The following C1orf116 variants were observed in gnomAD, a reference collection of about 807,000 sequenced individuals.
C1orf116 encodes the protein specifically androgen-regulated gene protein.
Under a neutral mutation model 14.1 loss-of-function variants are expected in C1orf116, and 12 were observed. The observed-to-expected ratio is 0.85, with a 90% confidence interval of 0.54 to 1.38. C1orf116 has a LOEUF of 1.38. Ranked by LOEUF, C1orf116 falls within the 40% of genes most tolerant of loss-of-function variation. The pLI, the probability that C1orf116 is intolerant of heterozygous loss-of-function variation, is 0.00. For missense variants in C1orf116, 797 were observed against 747.0 expected (o/e 1.07, Z -0.78); for synonymous variants, 296 against 299.0 (o/e 0.99, Z 0.10).
Position 207,023,379 on chromosome 1 carries a change from A to G in C1orf116, c.385T>C (p.Ser129Pro). The G allele has an allele frequency of 3.1e-6, 5 of 1,614,044 alleles. No homozygotes were observed. Among genetic ancestry groups the G allele is most frequent in the Non-Finnish European group, 4.2e-6 (5 of 1,179,968 alleles). ...PPEPQGLGLRSGSYSLPRNIH... is the reference protein window; with the variant it reads ...PPEPQGLGLRPGSYSLPRNIH... The stretch of plus-strand genomic sequence containing the variant: ...TTCCTAGGGAGGCTGTAGGAGCCAG[A>G]CCTGAGGCCTAGGCCCTGGGGCTCA... Residue 129 changes from serine to proline, a missense_variant, in exon 4 of 4, where the codon TCT becomes CCT. Transcript: ENST00000359470.
At chr1:207,027,743 T>C in intron 1 of C1orf116, 64 bp from the exon 2 acceptor site, 1 of 1,441,080 alleles carries the variant, frequency 6.9e-7, no homozygotes, top group Non-Finnish European at 9.1e-7. Context: ...GCCCAGGCCC[T>C]GGGCGGCATG....
At chr1:207,027,774 G>A (rs1682127855) in intron 1 of C1orf116, 95 bp from the exon 2 acceptor site, 4 of 1,348,044 alleles carry the variant, frequency 3.0e-6, no homozygotes, top group Admixed American at 2.7e-5. Flanking sequence ...CACCAAGCAA[G>A]CAGAGAGCTG....
At position 207,022,062 on chromosome 1, in the gene C1orf116, T is replaced by C. The variant is rs1438859210; in HGVS notation, c.1702A>G (p.Lys568Glu). 1 of 1,608,344 alleles carries C rather than the reference T, an allele frequency of 6.2e-7. No individual in the cohort carries two copies. Among genetic ancestry groups the C allele is most frequent in the East Asian group, 2.2e-5 (1 of 44,826 alleles). The change falls in exon 4 of 4, where the codon AAG becomes GAG. Residue 568 changes from lysine (K) to glutamate (E), a missense_variant. Coordinates refer to ENST00000359470, the MANE Select transcript of C1orf116 (RefSeq NM_023938.6). ...CTGACACAGGGGGGGCGAGGAAGCT[T>C]GTCACGGCTCTGTCCTTGGTAGGAC... ...RLSYQGQSRD[K>E]LPRPPCVSVK...
intron 3 of C1orf116, 51 bp downstream of exon 3, chr1:207,024,836 T>C (rs752921043): frequency 6.3e-7 from 1 of 1,580,630 alleles, no homozygotes; most frequent in Non-Finnish European, 8.7e-7. Context: ...GGAGGGGACA[T>C]ATTGATTTTC....
At position 207,025,222 on chromosome 1, in the gene C1orf116, G is replaced by A. The variant is rs570794464; in HGVS notation, c.106-158C>T. ...AGAGAGGAAGGAATGCTGAAGAGCTGGAAACCTTTCCCTCCTGCTACTCTG... is the reference window on the plus strand; with the variant it reads ...AGAGAGGAAGGAATGCTGAAGAGCTAGAAACCTTTCCCTCCTGCTACTCTG... On this transcript the variant is annotated intron_variant, in intron 2 of 3. Transcript: ENST00000359470. Among the ~76,000 whole-genome samples, 69 of 152,288 alleles carry A rather than the reference G, an allele frequency of 4.5e-4. 1 individual carries two copies. The South Asian group carries it at 9.3e-3, about 21-fold the overall frequency.
rs1034974453 is a variant in C1orf116 at position 207,021,205 on chromosome 1, A to T, written c.*753T>A. 6.6e-6 allele frequency: 1 copy of T among 152,592 alleles called. No individual in the cohort carries two copies. The highest frequency in any genetic ancestry group is 6.5e-5 in the Admixed American group (1 of 15,270). 9.5% of individuals were successfully genotyped at this position (152,592 alleles called of 1,614,324 possible). On this transcript the variant is annotated 3_prime_UTR_variant, in exon 4 of 4. Transcript: ENST00000359470. ...GTCAGGGACGACAGCACAGTTGGTG[A>T]TTGAATTTATCAAGCCTGTGGAGAA...
chr1:207,026,735 C>T (rs768019726), intron 2 of C1orf116, among the ~76,000 whole-genome samples: 2 of 152,176 alleles, frequency 1.3e-5, no homozygotes, highest in Non-Finnish European at 2.9e-5. Flanking sequence ...CAAATGTTTG[C>T]GTCTGGATGC....
rs995361632 is a variant in C1orf116 at position 207,019,667 on chromosome 1, C to G, written c.*2291G>C. 1 of 152,162 alleles carries G rather than the reference C, an allele frequency of 6.6e-6. No homozygotes were observed. Among genetic ancestry groups the G allele is most frequent in the Non-Finnish European group, 1.5e-5 (1 of 68,032 alleles). 9.4% of individuals were successfully genotyped at this position (152,162 alleles called of 1,614,324 possible). A position where few individuals can be genotyped will look rare whatever the true frequency, so the allele number is the denominator to read the frequency against. On this transcript the variant is annotated 3_prime_UTR_variant, in exon 4 of 4. Transcript: ENST00000359470. Reference sequence around the variant, plus strand: ...TTATTCTATTCTTGAATCCCAAAGACCATCCTAAGAGCAAAATATGCTCCT... The same window carrying G: ...TTATTCTATTCTTGAATCCCAAAGAGCATCCTAAGAGCAAAATATGCTCCT...
Position 207,022,668 on chromosome 1 carries a change from G to C in C1orf116, c.1096C>G (p.His366Asp). 1 of 1,614,014 alleles carries C rather than the reference G, an allele frequency of 6.2e-7. No individual in the cohort carries two copies. Among genetic ancestry groups the C allele is most frequent in the East Asian group, 2.2e-5 (1 of 44,872 alleles). ...LPQDQDEPGL[H>D]LSKPTSSIRP... ...ATGGAGCTGGTGGGCTTACTTAAGT[G>C]GAGTCCAGGCTCATCTTGATCCTGG... is the stretch of plus-strand genomic sequence containing the variant. Residue 366 changes from histidine to aspartate, a missense_variant, in exon 4 of 4, where the codon CAC becomes GAC. Physicochemically the swap from His to Asp is moderately conservative, Grantham distance 81. Transcript: ENST00000359470.
rs140857192 is a variant in C1orf116, at chr1:207,022,067, C to A, written c.1697G>T (p.Arg566Leu). The A allele has an allele frequency of 6.2e-7, 1 of 1,608,942 alleles. No homozygotes were observed. Among genetic ancestry groups the A allele is most frequent in the East Asian group, 2.2e-5 (1 of 44,836 alleles). Residue 566 changes from arginine to leucine, a missense_variant, in exon 4 of 4, where the codon CGT becomes CTT. By Grantham distance (102) the Arg-to-Leu change is moderately radical. Transcript: ENST00000359470. Reference sequence around the variant, plus strand: ...ACAGGGGGGGCGAGGAAGCTTGTCACGGCTCTGTCCTTGGTAGGACAGGCG... The same window carrying A: ...ACAGGGGGGGCGAGGAAGCTTGTCAAGGCTCTGTCCTTGGTAGGACAGGCG... ...SKRLSYQGQS[R>L]DKLPRPPCVS...
intron 1 of C1orf116, among the ~76,000 whole-genome samples, 199 bp downstream of exon 1, chr1:207,032,380 C>A (rs78279822): frequency 0.032 from 4,928 of 152,290 alleles, 250 homozygotes; most frequent in African/African-American, 0.11. Context: ...CAGCCCCAGT[C>A]TCCACAAAAA....
At chr1:207,031,846 C>T (rs1003026980) in intron 1 of C1orf116, among the ~76,000 whole-genome samples, 5 of 152,200 alleles carry the variant, frequency 3.3e-5, no homozygotes, top group Non-Finnish European at 4.4e-5. Flanking sequence ...GGGTGAGGCT[C>T]GGCACAGCCA....
intron 1 of C1orf116, among the ~76,000 whole-genome samples, chr1:207,031,196 C>T (rs1453830350): frequency 1.3e-5 from 2 of 152,186 alleles, no homozygotes; most frequent in African/African-American, 4.8e-5. Flanking sequence ...AGAAAAATAG[C>T]AGAATGACTA....
intron 1 of C1orf116, among the ~76,000 whole-genome samples, chr1:207,031,934 C>T (rs909621643): frequency 1.3e-5 from 2 of 152,188 alleles, no homozygotes; most frequent in East Asian, 3.8e-4. Flanking sequence ...TCCAAATAAA[C>T]TTGACTTTGC....
intron 1 of C1orf116, among the ~76,000 whole-genome samples, chr1:207,030,423 A>G (rs1682210580): frequency 6.6e-6 from 1 of 152,130 alleles, no homozygotes; most frequent in Admixed American, 6.5e-5. Context: ...TTCATACCTT[A>G]AACCCTGCAA....
Position 207,027,614 on chromosome 1 carries a change from G to T in C1orf116, c.-16C>A, listed in dbSNP as rs766452820. 7 of 1,609,856 alleles carry T rather than the reference G, an allele frequency of 4.3e-6. No homozygotes were observed. The highest frequency in any genetic ancestry group is 5.9e-6 in the Non-Finnish European group (7 of 1,179,736). ...TCTCGGGCATCACCCGAAACAAGGT[G>T]CAGGGATGGCAAAGGGGGCTTCTAG... On this transcript the variant is annotated 5_prime_UTR_variant, in exon 2 of 4. Coordinates refer to ENST00000359470, the MANE Select transcript of C1orf116 (RefSeq NM_023938.6).
Position 207,022,041 on chromosome 1 carries a change from C to G in C1orf116, c.1723G>C (p.Val575Leu). 1 of 1,598,874 alleles carries G rather than the reference C, an allele frequency of 6.3e-7. No individual in the cohort carries two copies. Among genetic ancestry groups the G allele is most frequent in the South Asian group, 1.1e-5 (1 of 87,946 alleles). ...SRDKLPRPPC[V>L]SVKISPKGVP... ...CCCTTTGGGGAGATCTTGACACTGA[C>G]ACAGGGGGGGCGAGGAAGCTTGTCA... The change falls in exon 4 of 4, where the codon GTC (valine) becomes CTC (leucine). Residue 575 changes from valine (V) to leucine (L), a missense_variant. Val to Leu is a conservative substitution (Grantham distance 32, BLOSUM62 1). Transcript: ENST00000359470.
chr1:207,027,683 A>G lies in C1orf116; in HGVS notation c.-81-4T>C, dbSNP rs976355783. ...TGAACAATGTCCCAAGCCGGGCCTG[A>G]AAAGAGAAGAATCAAAGCCACACAT... On this transcript the variant is annotated splice_region_variant and splice_polypyrimidine_tract_variant and intron_variant, in intron 1 of 3. Coordinates refer to ENST00000359470, the MANE Select transcript of C1orf116 (RefSeq NM_023938.6). The G allele has an allele frequency of 1.6e-4, 250 of 1,558,144 alleles. No homozygotes were observed. The highest frequency in any genetic ancestry group is 1.9e-4 in the Non-Finnish European group (225 of 1,154,736).
At position 207,021,253 on chromosome 1, in the gene C1orf116, T is replaced by C. The variant is rs1481945398; in HGVS notation, c.*705A>G. 6.6e-6 allele frequency: 1 copy of C among 152,598 alleles called. No individual in the cohort carries two copies. The highest frequency in any genetic ancestry group is 6.5e-5 in the Admixed American group (1 of 15,278). 9.5% of individuals were successfully genotyped at this position (152,598 alleles called of 1,614,324 possible). On this transcript the variant is annotated 3_prime_UTR_variant, in exon 4 of 4. Transcript: ENST00000359470. Reference sequence around the variant, plus strand: ...GAAGGACTCTCCCTGGTGGAGGTAGTGGCATAAATATGTGGTCACTTATCC... The same window carrying C: ...GAAGGACTCTCCCTGGTGGAGGTAGCGGCATAAATATGTGGTCACTTATCC...
Sources: allele counts gnomAD v4.1 joint callset (sites outside exome capture counted in the v4.1 genomes callset), GRCh38; gene constraint gnomAD v4.1.1; transcripts MANE v1.5; gene names NCBI Gene and HGNC (gene_info 2026-07-23, HGNC 2026-07-21).